DNAH9: variants seen among roughly 807,000 people sequenced by gnomAD.
The protein encoded by DNAH9 is dynein axonemal heavy chain 9, also known as DNAH9 variant protein.
DNAH9 carries 345 observed loss-of-function variants against 471.6 expected under a neutral mutation model. That is an observed-to-expected ratio of 0.73 (90% CI 0.67 to 0.80). The LOEUF (loss-of-function observed/expected upper bound fraction) is 0.80, where lower values mean the gene tolerates loss of function less well. Ranked by LOEUF, DNAH9 falls within the 30% of genes least tolerant of loss-of-function variation. DNAH9 has a pLI of 0.00. For missense variants in DNAH9, 5,407 were observed against 5,609.2 expected (o/e 0.96, Z 1.15); for synonymous variants, 2,093 against 2,123.6 (o/e 0.99, Z 0.40).
intron 39 of DNAH9, among the ~76,000 whole-genome samples, chr17:11,783,155 T>C (rs114862305): frequency 0.014 from 2,132 of 152,278 alleles, 56 homozygotes; most frequent in African/African-American, 0.049. Context: ...TGTTTTAGGC[T>C]TTTAGCAGCC....
intron 45 of DNAH9, among the ~76,000 whole-genome samples, chr17:11,814,905 G>A (rs1970041727): frequency 6.6e-6 from 1 of 152,072 alleles, no homozygotes; most frequent in Admixed American, 6.6e-5. Context: ...TGGACTTCCT[G>A]AGGAGCCATC....
chr17:11,795,364 T>C (rs771885242), intron 42 of DNAH9, among the ~76,000 whole-genome samples: 1 of 152,184 alleles, frequency 6.6e-6, no homozygotes, highest in Non-Finnish European at 1.5e-5. Context: ...GTCTGTTCCC[T>C]CTGGAAATTA....
chr17:11,647,985 G>A (rs191494466), intron 12 of DNAH9, among the ~76,000 whole-genome samples: 56 of 152,360 alleles, frequency 3.7e-4, no homozygotes, highest in Middle Eastern at 6.8e-3. Context: ...TGTGAATAGT[G>A]CTGAGGTTGA....
chr17:11,857,355 C>T (rs1013632578), intron 50 of DNAH9, among the ~76,000 whole-genome samples: 6 of 152,172 alleles, frequency 3.9e-5, no homozygotes, highest in Non-Finnish European at 8.8e-5. Context: ...CCATCCTCCA[C>T]TTATACACAT....
At chr17:11,630,443 C>T (rs1567676572) in intron 7 of DNAH9, 4 of 152,234 alleles carry the variant, frequency 2.6e-5, no homozygotes, top group Non-Finnish European at 5.9e-5. Context: ...AACAAACAAA[C>T]AAACAAAAAA....
In DNAH9 at chr17:11,810,465, G is replaced by A. The variant is rs1969853894; in HGVS notation, c.8707+96G>A. 15 of 1,475,126 alleles carry A rather than the reference G, an allele frequency of 1.0e-5. 1 individual carries two copies. In the South Asian group the frequency reaches 2.1e-4, roughly 21 times the overall value. The allele number at this position is 1,475,126 out of a possible 1,614,324, so 91.4% of individuals were successfully genotyped here. A position where few individuals can be genotyped will look rare whatever the true frequency, so the allele number is the denominator to read the frequency against. On this transcript the variant is annotated intron_variant, in intron 45 of 68. Coordinates refer to ENST00000262442, the MANE Select transcript of DNAH9 (RefSeq NM_001372.4). ...TTTCGTCCAGGGTGGGAAGAGTAAGGTCATAGTAATGAGGAAGAAAACTGA... is the reference window on the plus strand; with the variant it reads ...TTTCGTCCAGGGTGGGAAGAGTAAGATCATAGTAATGAGGAAGAAAACTGA...
chr17:11,769,464 G>A (rs750212253), intron 38 of DNAH9, 135 bp downstream of exon 38: 10 of 738,456 alleles, frequency 1.4e-5, no homozygotes, highest in Admixed American at 6.4e-5. Context: ...CCTCCCACAC[G>A]CCCCTTCTCA....
chr17:11,805,947 G>A (rs565038796), intron 43 of DNAH9, among the ~76,000 whole-genome samples: 7 of 152,030 alleles, frequency 4.6e-5, no homozygotes, highest in African/African-American at 9.6e-5. Flanking sequence ...TCCCAGGCTC[G>A]TCTCAAACTC....
At chr17:11,789,176 G>A (rs1968978431) in intron 41 of DNAH9, among the ~76,000 whole-genome samples, 1 of 151,790 alleles carries the variant, frequency 6.6e-6, no homozygotes, top group Non-Finnish European at 1.5e-5. Context: ...AGATTGTCTT[G>A]TAATCTTTCT....
intron 67 of DNAH9, among the ~76,000 whole-genome samples, chr17:11,945,170 C>T (rs1048129789): frequency 1.3e-5 from 2 of 152,166 alleles, no homozygotes; most frequent in Non-Finnish European, 2.9e-5. Context: ...GCTTTGCTGA[C>T]CAGCTTACCT....
At chr17:11,665,190 A>T (rs925275197) in intron 15 of DNAH9, among the ~76,000 whole-genome samples, 6 of 152,230 alleles carry the variant, frequency 3.9e-5, no homozygotes, top group Non-Finnish European at 7.3e-5. Context: ...CCAGGCTGTA[A>T]GACAGTGGTG....
At position 11,923,944 on chromosome 17, in the gene DNAH9, A is replaced by G. The variant is rs758597127; in HGVS notation, c.11877+3A>G. 1.6e-5 allele frequency: 26 copies of G among 1,613,378 alleles called. No individual in the cohort carries two copies. In the East Asian group the frequency reaches 4.9e-4, roughly 30 times the overall value. On this transcript the variant is annotated splice_donor_region_variant and intron_variant, in intron 62 of 68. Transcript: ENST00000262442. ...AAGGTCACTGGGTTATTTTGCAGGTATGTTCCTCTACCCTTGTCTGGGTTA... is the reference window on the plus strand; with the variant it reads ...AAGGTCACTGGGTTATTTTGCAGGTGTGTTCCTCTACCCTTGTCTGGGTTA...
At chr17:11,671,412 G>A (rs190135660) in intron 17 of DNAH9, among the ~76,000 whole-genome samples, 5 of 152,156 alleles carry the variant, frequency 3.3e-5, no homozygotes, top group South Asian at 2.1e-4. Context: ...GCAGAGGGGG[G>A]GCAGAGAATA....
At chr17:11,920,620 C>CAAAAAA (rs778741343) in intron 61 of DNAH9, among the ~76,000 whole-genome samples, 2,040 of 61,778 alleles carry the variant, frequency 0.033, 74 homozygotes, top group East Asian at 0.27. Flanking sequence ...GACTCCATCT[C>CAAAAAA]AAAAAAAAAA....
Position 11,763,602 on chromosome 17 carries a change from G to T in DNAH9, c.7158G>T (p.Met2386Ile). The T allele has an allele frequency of 6.2e-7, 1 of 1,614,048 alleles. No homozygotes were observed. The highest frequency in any genetic ancestry group is 8.5e-7 in the Non-Finnish European group (1 of 1,179,970). The part of the protein sequence containing the change: ...FAAIWAFGGA[M>I]VQDQLVDYRA... ...CCATCTGGGCTTTCGGCGGAGCAAT[G>T]GTCCAAGATCAGGTAAGGAGATATG... The change falls in exon 36 of 69, where the codon ATG becomes ATT. Residue 2386 changes from methionine to isoleucine, a missense_variant. Transcript: ENST00000262442.
chr17:11,613,608 T>G (rs1480060065), intron 4 of DNAH9, among the ~76,000 whole-genome samples: 1 of 152,138 alleles, frequency 6.6e-6, no homozygotes, highest in Non-Finnish European at 1.5e-5. Context: ...CGTCTAAAAT[T>G]TAAAAAATAA....
rs2074315388 is a variant in DNAH9, at chr17:11,690,418, T to C, written c.4596T>C (p.Ile1532=). The change falls in exon 20 of 69, where the codon ATT becomes ATC. Residue 1532 remains isoleucine (I), a synonymous_variant. Coordinates refer to ENST00000262442, the MANE Select transcript of DNAH9 (RefSeq NM_001372.4). ...GCATATTCACTGGATCTGAAGATAT[T>C]CGGGCACAGCTACCCCAGGTACCTG... The part of the protein sequence containing the change: ...LESIFTGSED[I]RAQLPQDSKR... 2 of 1,613,528 alleles carry C rather than the reference T, an allele frequency of 1.2e-6. No individual in the cohort carries two copies. The highest frequency in any genetic ancestry group is 2.7e-5 in the African/African-American group (2 of 74,918).
intron 38 of DNAH9, among the ~76,000 whole-genome samples, chr17:11,775,984 A>G (rs982368685): frequency 1.3e-5 from 2 of 151,988 alleles, no homozygotes; most frequent in Non-Finnish European, 2.9e-5. Flanking sequence ...TCTCCATTGT[A>G]TTTCTCTAAA....
At chr17:11,872,967 A>G (rs1300948994) in intron 52 of DNAH9, among the ~76,000 whole-genome samples, 1 of 152,208 alleles carries the variant, frequency 6.6e-6, no homozygotes, top group African/African-American at 2.4e-5. Context: ...AGTCAGCCCC[A>G]AATTTCACAA....
Sources: allele counts gnomAD v4.1 joint callset (sites outside exome capture counted in the v4.1 genomes callset), GRCh38; gene constraint gnomAD v4.1.1; transcripts MANE v1.5; gene names NCBI Gene and HGNC (gene_info 2026-07-23, HGNC 2026-07-21).